PDE3A: variants seen among roughly 807,000 people sequenced by gnomAD.
PDE3A encodes phosphodiesterase 3A, also known as cGMP-inhibited 3',5'-cyclic phosphodiesterase 3A.
In PDE3A, 43 loss-of-function variants were observed where a neutral mutation model predicts 98.3. The ratio of observed to expected loss-of-function variants is 0.44; its 90% CI spans 0.34 to 0.56. The LOEUF is 0.56. PDE3A is among the 20% of genes least tolerant of loss of function. PDE3A has a pLI of 0.01. For missense variants in PDE3A, 1,427 were observed against 1,440.7 expected (o/e 0.99, Z 0.15); for synonymous variants, 663 against 567.9 (o/e 1.17, Z -2.38).
At chr12:20,450,463 T>A (rs989175771) in intron 1 of PDE3A, among the ~76,000 whole-genome samples, 3 of 152,250 alleles carry the variant, frequency 2.0e-5, no homozygotes, top group Non-Finnish European at 4.4e-5. Context: ...TTGAGCCCAC[T>A]GGACACCAAT....
At chr12:20,563,571 T>C (rs1304061561) in intron 2 of PDE3A, among the ~76,000 whole-genome samples, 1 of 152,220 alleles carries the variant, frequency 6.6e-6, no homozygotes, top group African/African-American at 2.4e-5. Context: ...TTTTTCCATA[T>C]ATCAACCTAA....
chr12:20,408,481 A>G (rs1204025084), intron 1 of PDE3A, among the ~76,000 whole-genome samples: 1 of 152,230 alleles, frequency 6.6e-6, no homozygotes, highest in Non-Finnish European at 1.5e-5. Flanking sequence ...TTCATTATTA[A>G]GGACAGCACT....
intron 2 of PDE3A, among the ~76,000 whole-genome samples, chr12:20,565,758 T>C (rs1324892215): frequency 3.3e-5 from 5 of 151,928 alleles, no homozygotes; most frequent in Non-Finnish European, 5.9e-5. Flanking sequence ...TTTGGGGAAA[T>C]TGAATGTTTT....
intron 1 of PDE3A, among the ~76,000 whole-genome samples, chr12:20,517,906 C>T (rs903568905): frequency 3.3e-5 from 5 of 152,004 alleles, no homozygotes; most frequent in African/African-American, 1.2e-4. Context: ...TGAATGTAGC[C>T]CACAGAAATC....
intron 1 of PDE3A, among the ~76,000 whole-genome samples, chr12:20,504,656 C>T (rs1333962100): frequency 6.6e-6 from 1 of 152,060 alleles, no homozygotes; most frequent in African/African-American, 2.4e-5. Flanking sequence ...CTTCTAGAGG[C>T]TGCCCAAGTT....
chr12:20,431,174 A>C (rs1333090810), intron 1 of PDE3A, among the ~76,000 whole-genome samples: 1 of 152,180 alleles, frequency 6.6e-6, no homozygotes, highest in African/African-American at 2.4e-5. Flanking sequence ...CGTCTGAAAC[A>C]GGTTGATTAT....
At position 20,646,601 on chromosome 12, in the gene PDE3A, C is replaced by A; in HGVS notation, c.2363C>A (p.Ser788Ter). ...AATGATCATGGTTCAACCAGTGATTCAGGTATGTACGAAGTGAATCTGCAC... is the reference window on the plus strand; with the variant it reads ...AATGATCATGGTTCAACCAGTGATTAAGGTATGTACGAAGTGAATCTGCAC... ...VINDHGSTSD[S>*]DSDSGFTHGH... Residue 788 changes from serine to a stop codon, truncating the protein, a stop_gained and splice_region_variant, in exon 11 of 16, where the codon TCA (serine) becomes TAA (stop). Transcript: ENST00000359062. LOFTEE classifies it high-confidence loss of function. The A allele has an allele frequency of 6.4e-7, 1 of 1,553,260 alleles. No homozygotes were observed. The highest frequency in any genetic ancestry group is 8.9e-7 in the Non-Finnish European group (1 of 1,124,776).
chr12:20,634,783 A>G (rs975802523), intron 7 of PDE3A, 119 bp from the exon 8 acceptor site: 10 of 713,306 alleles, frequency 1.4e-5, no homozygotes, highest in Non-Finnish European at 2.0e-5. Context: ...TGGAGTGCTC[A>G]GGAAAGCAGT....
At chr12:20,643,885 G>C (rs748214027) in intron 10 of PDE3A, among the ~76,000 whole-genome samples, 1 of 151,966 alleles carries the variant, frequency 6.6e-6, no homozygotes, top group South Asian at 2.1e-4. Flanking sequence ...CCTTGGGGTG[G>C]GGGACAGGGT....
intron 1 of PDE3A, among the ~76,000 whole-genome samples, chr12:20,449,020 T>C (rs2120877871): frequency 6.6e-6 from 1 of 152,348 alleles, no homozygotes; most frequent in South Asian, 2.1e-4. Context: ...CATATGCATT[T>C]ATCACCTGCT....
At chr12:20,676,206 A>T (rs1198619656) in intron 15 of PDE3A, among the ~76,000 whole-genome samples, 1 of 152,108 alleles carries the variant, frequency 6.6e-6, no homozygotes, top group Non-Finnish European at 1.5e-5. Flanking sequence ...GATAGATATC[A>T]TCCTTTTGCT....
At chr12:20,620,530 A>G (rs1243052853) in intron 4 of PDE3A, among the ~76,000 whole-genome samples, 2 of 152,104 alleles carry the variant, frequency 1.3e-5, no homozygotes, top group Non-Finnish European at 2.9e-5. Context: ...TTTGTCTTGG[A>G]ATACCTCCAA....
intron 1 of PDE3A, among the ~76,000 whole-genome samples, chr12:20,482,621 G>A (rs1945651739): frequency 6.6e-6 from 1 of 152,202 alleles, no homozygotes; most frequent in Admixed American, 6.5e-5. Context: ...CTGTTTTAGA[G>A]ATAAGCACTT....
intron 1 of PDE3A, among the ~76,000 whole-genome samples, chr12:20,458,651 G>A (rs1035025023): frequency 6.6e-6 from 1 of 152,136 alleles, no homozygotes; most frequent in African/African-American, 2.4e-5. Context: ...TGTCAGACAA[G>A]TAGAGCAAAA....
intron 4 of PDE3A, among the ~76,000 whole-genome samples, 195 bp from the exon 5 acceptor site, chr12:20,621,101 C>G (rs1944123983): frequency 6.6e-6 from 1 of 151,924 alleles, no homozygotes; most frequent in Admixed American, 6.6e-5. Context: ...CTGCTATATC[C>G]CTGCAACAGA....
intron 2 of PDE3A, among the ~76,000 whole-genome samples, chr12:20,595,538 G>A (rs916299233): frequency 2.6e-5 from 4 of 152,174 alleles, no homozygotes; most frequent in Non-Finnish European, 5.9e-5. Context: ...TAATGAGGCT[G>A]TCAATTGGTC....
At chr12:20,418,859 T>C (rs912284710) in intron 1 of PDE3A, among the ~76,000 whole-genome samples, 2 of 152,200 alleles carry the variant, frequency 1.3e-5, no homozygotes, top group Non-Finnish European at 2.9e-5. Context: ...TATAACCCAT[T>C]TTATACATTA....
intron 1 of PDE3A, among the ~76,000 whole-genome samples, chr12:20,386,296 A>AT (rs1240126269): frequency 7.8e-4 from 108 of 139,240 alleles, no homozygotes; most frequent in Non-Finnish European, 1.4e-3. Flanking sequence ...TTATAGTATA[A>AT]TAAAAAAATA....
chr12:20,607,502 C>T lies in PDE3A; in HGVS notation c.1012-5941C>T, dbSNP rs527641693. ...AAAATGGTGAATTTACCAAAAGTAT[C>T]AGTTATTTTTGGCTTGATATATAAA... On this transcript the variant is annotated intron_variant, in intron 2 of 15. Transcript: ENST00000359062. Among the ~76,000 whole-genome samples the T allele has an allele frequency of 3.3e-5, 5 of 151,092 alleles. No individual in the cohort carries two copies. In the East Asian group the frequency reaches 9.7e-4, roughly 29 times the overall value.
Sources: allele counts gnomAD v4.1 joint callset (sites outside exome capture counted in the v4.1 genomes callset), GRCh38; gene constraint gnomAD v4.1.1; transcripts MANE v1.5; gene names NCBI Gene and HGNC (gene_info 2026-07-23, HGNC 2026-07-21).